GSDME: variants seen among roughly 807,000 people sequenced by gnomAD.
The protein encoded by GSDME is gasdermin-E.
In GSDME, 44 loss-of-function variants were observed where a neutral mutation model predicts 47.5. The ratio of observed to expected loss-of-function variants is 0.93; its 90% confidence interval spans 0.73 to 1.19. The LOEUF (loss-of-function observed/expected upper bound fraction) is 1.19, where lower values mean the gene tolerates loss of function less well. Among genes scored for constraint, GSDME ranks in the 50% most tolerant of loss-of-function variants. The pLI, the probability that GSDME is intolerant of heterozygous loss-of-function variation, is 0.00. For synonymous variants in GSDME, 258 were observed against 252.8 expected (o/e 1.02, Z -0.20); for missense variants, 663 against 604.2 (o/e 1.10, Z -1.02).
chr7:24,717,105 T>C (rs1461196516), intron 5 of GSDME, 149 bp downstream of exon 5: 1 of 894,402 alleles, frequency 1.1e-6, no homozygotes, highest in South Asian at 1.5e-5. Flanking sequence ...CCAGGGACCA[T>C]GTCTTGGGAC....
intron 3 of GSDME, among the ~76,000 whole-genome samples, chr7:24,730,530 A>G (rs539702237): frequency 6.6e-6 from 1 of 152,348 alleles, no homozygotes; most frequent in East Asian, 1.9e-4. Flanking sequence ...TTAAAAATAA[A>G]GCTCAGCTGG....
intron 3 of GSDME, among the ~76,000 whole-genome samples, chr7:24,720,837 G>T (rs1450588312): frequency 6.6e-6 from 1 of 152,088 alleles, no homozygotes; most frequent in East Asian, 1.9e-4. Flanking sequence ...AACCCGGGAG[G>T]CGGAGGTTGC....
intron 3 of GSDME, among the ~76,000 whole-genome samples, chr7:24,743,511 A>C (rs1790552523): frequency 6.6e-6 from 1 of 152,228 alleles, no homozygotes; most frequent in Non-Finnish European, 1.5e-5. Context: ...CTCAGCAGCC[A>C]GAATGATCCT....
At chr7:24,741,177 T>C (rs1240211872) in intron 3 of GSDME, among the ~76,000 whole-genome samples, 2 of 152,050 alleles carry the variant, frequency 1.3e-5, no homozygotes, top group African/African-American at 4.8e-5. Flanking sequence ...CCCTAGGAAA[T>C]TAGAAGCAAC....
At chr7:24,779,498 GGTGT>G in the GSDME span, among the ~76,000 whole-genome samples, 65 of 143,128 alleles carry the variant, frequency 4.5e-4, 2 homozygotes, top group Admixed American at 1.0e-3. The surrounding 1 kb of genome is among the most constrained non-coding windows in gnomAD (Gnocchi z 6.0). Flanking sequence ...AGTGATACAT[GGTGT>G]GTGTGTGTGT....
chr7:24,747,525 T>C (rs1790704651), intron 2 of GSDME, among the ~76,000 whole-genome samples: 2 of 152,244 alleles, frequency 1.3e-5, no homozygotes, highest in Admixed American at 1.3e-4. Flanking sequence ...AAAAAAGTAA[T>C]GTAGCAATGA....
the GSDME span, among the ~76,000 whole-genome samples, chr7:24,789,966 A>G: frequency 1.2e-3 from 187 of 152,304 alleles, no homozygotes; most frequent in Non-Finnish European, 2.0e-3. Flanking sequence ...TATAATTCCT[A>G]TTATAAGAGT....
rs1790611698 is a variant in GSDME, at chr7:24,744,953, G to GT, written c.212-200_212-199insA. Among the ~76,000 whole-genome samples, 1 of 79,002 alleles carries GT rather than the reference G, an allele frequency of 1.3e-5. No homozygotes were observed. The highest frequency in any genetic ancestry group is 2.7e-5 in the Non-Finnish European group (1 of 36,396). The allele number at this position is 79,002 out of a possible 152,430, so 51.8% of individuals were successfully genotyped here. ...GTGTGTGTGTGTGTGTGTGTGTGTGGACCGCGGGCACACAGTGGACCAGTG... is the reference window on the plus strand; with the variant it reads ...GTGTGTGTGTGTGTGTGTGTGTGTGGTACCGCGGGCACACAGTGGACCAGTG... On this transcript the variant is annotated intron_variant, in intron 2 of 9. Coordinates refer to ENST00000645220, the MANE Select transcript of GSDME (RefSeq NM_001127453.2). This position sits in a 1 kb window ranked among gnomAD's most constrained non-coding sequence, Gnocchi z 4.5.
chr7:24,716,997 G>A lies in GSDME; in HGVS notation c.697+257C>T. 2 of 511,966 alleles carry A rather than the reference G, an allele frequency of 3.9e-6. No homozygotes were observed. Among genetic ancestry groups the A allele is most frequent in the Admixed American group, 6.4e-5 (2 of 31,494 alleles). The allele number at this position is 511,966 out of a possible 1,614,324, so 31.7% of individuals were successfully genotyped here. ...AGAGGACACAGCCCAGCCCTCTACTGTGCTGGTGGAACTTTGCCCCACACC... is the reference window on the plus strand; with the variant it reads ...AGAGGACACAGCCCAGCCCTCTACTATGCTGGTGGAACTTTGCCCCACACC... On this transcript the variant is annotated intron_variant, in intron 5 of 9. Transcript: ENST00000645220. This position sits in a 1 kb window ranked among gnomAD's most constrained non-coding sequence, Gnocchi z 4.5.
chr7:24,711,818 A>AG (rs1789367327), intron 5 of GSDME, among the ~76,000 whole-genome samples: 2 of 148,936 alleles, frequency 1.3e-5, no homozygotes, highest in African/African-American at 5.0e-5. Context: ...TTGTCTCCAA[A>AG]AAAAAAAAAA....
chr7:24,792,727 C>T, the GSDME span, among the ~76,000 whole-genome samples: 2 of 151,844 alleles, frequency 1.3e-5, no homozygotes, highest in Admixed American at 1.3e-4. Context: ...TGAGTCCATC[C>T]CTTTTTTGCT....
intron 8 of GSDME, 142 bp downstream of exon 8, chr7:24,706,042 T>C (rs1477076533): frequency 1.2e-5 from 13 of 1,069,926 alleles, no homozygotes; most frequent in African/African-American, 1.6e-5. Flanking sequence ...TCCCACCTCT[T>C]ACCCTCCCTG....
chr7:24,723,161 T>C (rs538253361), intron 3 of GSDME, among the ~76,000 whole-genome samples: 1 of 152,324 alleles, frequency 6.6e-6, no homozygotes, highest in South Asian at 2.1e-4. Context: ...GCTGGAAATA[T>C]TTAATCATCT....
At chr7:24,786,001 T>C in the GSDME span, among the ~76,000 whole-genome samples, 7 of 152,174 alleles carry the variant, frequency 4.6e-5, no homozygotes, top group Non-Finnish European at 5.9e-5. The surrounding 1 kb of genome is among the most constrained non-coding windows in gnomAD (Gnocchi z 5.5). Context: ...TTGCAATCTA[T>C]AGGTAAGCTC....
intron 5 of GSDME, chr7:24,715,468 C>G (rs1447311987): frequency 4.2e-6 from 2 of 470,838 alleles, no homozygotes; most frequent in Non-Finnish European, 8.8e-6. Context: ...CTTGAACATA[C>G]AGTTTCTGTG....
rs1045879931 is a variant in GSDME, at chr7:24,742,728, G to C, written c.404+1834C>G. On this transcript the variant is annotated intron_variant, in intron 3 of 9. Coordinates refer to ENST00000645220, the MANE Select transcript of GSDME (RefSeq NM_001127453.2). This position sits in a 1 kb window ranked among gnomAD's most constrained non-coding sequence, Gnocchi z 4.4. ...AGGGTTGGGTGAGACTGAGGGAGCAGAGAAGACGCTCTGGACACCCCCCGC... is the reference window on the plus strand; with the variant it reads ...AGGGTTGGGTGAGACTGAGGGAGCACAGAAGACGCTCTGGACACCCCCCGC... 6.6e-6 allele frequency among the ~76,000 whole-genome samples: 1 copy of C among 152,178 alleles called. No homozygotes were observed. The highest frequency in any genetic ancestry group is 6.5e-5 in the Admixed American group (1 of 15,278).
At chr7:24,757,704 C>T (rs900632542), upstream of GSDME, 2 of 152,310 alleles carry the variant, frequency 1.3e-5, no homozygotes, top group African/African-American at 4.8e-5. The surrounding 1 kb of genome is among the most constrained non-coding windows in gnomAD (Gnocchi z 5.9). Context: ...TTTCGGGACT[C>T]ACCCGGGAGA....
chr7:24,788,241 C>A, the GSDME span, among the ~76,000 whole-genome samples: 1,301 of 152,328 alleles, frequency 8.5e-3, 8 homozygotes, highest in Middle Eastern at 0.031. The surrounding 1 kb of genome is among the most constrained non-coding windows in gnomAD (Gnocchi z 4.6). Flanking sequence ...CCCTGGGGCT[C>A]TGGGGCTCTC....
rs529171549 is a variant in GSDME, at chr7:24,712,171, G to A, written c.698-1783C>T. 3.9e-5 allele frequency among the ~76,000 whole-genome samples: 6 copies of A among 152,322 alleles called. No individual in the cohort carries two copies. Among genetic ancestry groups the A allele is most frequent in the Middle Eastern group, 3.4e-3 (1 of 294 alleles). On this transcript the variant is annotated intron_variant, in intron 5 of 9. Coordinates refer to ENST00000645220, the MANE Select transcript of GSDME (RefSeq NM_001127453.2). This position sits in a 1 kb window ranked among gnomAD's most constrained non-coding sequence, Gnocchi z 4.4. ...TAAAGACAAAGGAAACGATCCCTGGGCTTTACCCACCTGGCCCACACCAGC... is the reference window on the plus strand; with the variant it reads ...TAAAGACAAAGGAAACGATCCCTGGACTTTACCCACCTGGCCCACACCAGC...
Sources: allele counts gnomAD v4.1 joint callset (sites outside exome capture counted in the v4.1 genomes callset), GRCh38; gene constraint gnomAD v4.1.1; non-coding constraint Gnocchi (gnomAD v3.1); transcripts MANE v1.5; gene names NCBI Gene and HGNC (gene_info 2026-07-23, HGNC 2026-07-21).